MTR: variants seen among roughly 807,000 people sequenced by gnomAD.
MTR encodes the protein 5-methyltetrahydrofolate-homocysteine methyltransferase.
In MTR, 84 loss-of-function variants were observed where a neutral mutation model predicts 154.8. That is an observed-to-expected ratio of 0.54 (90% CI 0.45 to 0.65). MTR has a LOEUF of 0.65. Ranked by LOEUF, MTR falls within the 30% of genes least tolerant of loss-of-function variation. The pLI, the probability that MTR is intolerant of heterozygous loss-of-function variation, is 0.00. For synonymous variants in MTR, 554 were observed against 553.9 expected, an observed-to-expected ratio of 1.00 and a Z score of 0.00; for missense variants, 1,275 against 1,570.2, an observed-to-expected ratio of 0.81 and a Z score of 3.18.
rs145103831 is a variant in MTR, at chr1:236,812,256, G to T, written c.503-482G>T. ...GAGACTGAAATTGCTCACCAGACAG[G>T]TTTCTTCTCTGACAGAGTTGGTGTA... On this transcript the variant is annotated intron_variant, in intron 5 of 32. Coordinates refer to ENST00000366577, the MANE Select transcript of MTR (RefSeq NM_000254.3). Among the ~76,000 whole-genome samples the T allele has an allele frequency of 4.9e-3, 746 of 152,350 alleles. 5 individuals carry two copies. Among genetic ancestry groups the T allele is most frequent in the South Asian group, 0.015 (74 of 4,826 alleles).
At chr1:236,886,207 A>C in intron 26 of MTR, 85 bp from the exon 27 acceptor site, 1 of 1,075,268 alleles carries the variant, frequency 9.3e-7, no homozygotes, top group South Asian at 1.3e-5. Flanking sequence ...TGCAAAGCTT[A>C]CATACTGGCC....
rs12058328 is a variant in MTR at position 236,897,697 on chromosome 1, A to G, written c.*53A>G. ...TCTTGATGATCCTCAAGGAAATACA[A>G]CCTAGGGTGCCTTAAAAATAACAAC... is the stretch of plus-strand genomic sequence containing the variant. On this transcript the variant is annotated 3_prime_UTR_variant, in exon 33 of 33. Coordinates refer to ENST00000366577, the MANE Select transcript of MTR (RefSeq NM_000254.3). The G allele has an allele frequency of 8.8e-4, 1,282 of 1,453,602 alleles. 11 individuals carry two copies. In the African/African-American group the frequency reaches 0.016, roughly 18 times the overall value. The allele number at this position is 1,453,602 out of a possible 1,614,324, so 90.0% of individuals were successfully genotyped here.
intron 1 of MTR, chr1:236,800,530 T>C (rs1015894852): frequency 1.1e-5 from 10 of 951,110 alleles, no homozygotes; most frequent in Admixed American, 6.2e-5. Context: ...ATTATCTACA[T>C]TTAACAGCTT....
chr1:236,879,480 G>A (rs1255126056), intron 24 of MTR, among the ~76,000 whole-genome samples: 1 of 152,206 alleles, frequency 6.6e-6, no homozygotes, highest in African/African-American at 2.4e-5. Flanking sequence ...TTGAGGAAGA[G>A]TACTGCTACT....
At chr1:236,880,384 A>T (rs1163967202) in intron 24 of MTR, among the ~76,000 whole-genome samples, 2 of 152,000 alleles carry the variant, frequency 1.3e-5, no homozygotes, top group African/African-American at 2.4e-5. Flanking sequence ...GTCCCAGCTC[A>T]TTTGGAGGAG....
At chr1:236,833,110 C>G (rs1203836754) in intron 13 of MTR, among the ~76,000 whole-genome samples, 1 of 152,216 alleles carries the variant, frequency 6.6e-6, no homozygotes, top group African/African-American at 2.4e-5. Flanking sequence ...GCCCTCCCAT[C>G]CTGATCTGTC....
chr1:236,855,103 G>T (rs1303224665), intron 18 of MTR, among the ~76,000 whole-genome samples: 1 of 152,146 alleles, frequency 6.6e-6, no homozygotes, highest in Non-Finnish European at 1.5e-5. Context: ...CAATTCCTTA[G>T]GATGCGCTGA....
Position 236,873,761 on chromosome 1 carries a change from T to G in MTR, c.2406-12T>G. The G allele has an allele frequency of 2.5e-6, 4 of 1,612,470 alleles. No homozygotes were observed. The highest frequency in any genetic ancestry group is 3.4e-6 in the Non-Finnish European group (4 of 1,178,426). ...TTCATTAATTTTCTCATGTCTCATT[T>G]CTGTGCCTCAGAGTTATTGATTTAG... On this transcript the variant is annotated splice_polypyrimidine_tract_variant and intron_variant, in intron 22 of 32. Coordinates refer to ENST00000366577, the MANE Select transcript of MTR (RefSeq NM_000254.3).
At chr1:236,814,666 C>T (rs986046341) in intron 6 of MTR, among the ~76,000 whole-genome samples, 24 of 152,128 alleles carry the variant, frequency 1.6e-4, no homozygotes, top group African/African-American at 5.8e-4. Flanking sequence ...TGTTTTCTAT[C>T]AATCTGTCTG....
Position 236,897,877 on chromosome 1 carries a change from T to C in MTR, c.*233T>C. 1 of 544,840 alleles carries C rather than the reference T, an allele frequency of 1.8e-6. No individual in the cohort carries two copies. The allele number at this position is 544,840 out of a possible 1,614,324, so 33.8% of individuals were successfully genotyped here. A position where few individuals can be genotyped will look rare whatever the true frequency, so the allele number is the denominator to read the frequency against. ...CTTGCGTGAAGAGCAGTGAGCAGGG[T>C]TCCTGTGGTTTCCCTGGTCCCTCTG... On this transcript the variant is annotated 3_prime_UTR_variant, in exon 33 of 33. Coordinates refer to ENST00000366577, the MANE Select transcript of MTR (RefSeq NM_000254.3).
chr1:236,895,741 C>G (rs888029237), intron 31 of MTR, among the ~76,000 whole-genome samples, 191 bp downstream of exon 31: 4 of 152,240 alleles, frequency 2.6e-5, no homozygotes, highest in African/African-American at 9.6e-5. Context: ...ATTCTTACAT[C>G]ATTATTTTTA....
At position 236,819,945 on chromosome 1, in the gene MTR, A is replaced by C. The variant is rs978925704; in HGVS notation, c.764+3402A>C. On this transcript the variant is annotated intron_variant, in intron 8 of 32. Transcript: ENST00000366577. ...AGCCACTCCAGTTGCTGGCCGCTTC[A>C]CTTCTGGAACCTTCACTAACCAGAT... The C allele has an allele frequency of 6.3e-6, 7 of 1,111,908 alleles. No homozygotes were observed. In the African/African-American group the frequency reaches 1.1e-4, roughly 17 times the overall value. 68.9% of individuals were successfully genotyped at this position (1,111,908 alleles called of 1,614,324 possible). A position where few individuals can be genotyped will look rare whatever the true frequency, so the allele number is the denominator to read the frequency against.
At chr1:236,816,638 A>G (rs1661609677) in intron 8 of MTR, 95 bp downstream of exon 8, 1 of 987,556 alleles carries the variant, frequency 1.0e-6, no homozygotes, top group Non-Finnish European at 1.6e-6. Flanking sequence ...GCTTCTACAT[A>G]TTTTCACTGT....
At chr1:236,796,083 T>C (rs1035403146) in intron 1 of MTR, among the ~76,000 whole-genome samples, 1 of 152,034 alleles carries the variant, frequency 6.6e-6, no homozygotes, top group African/African-American at 2.4e-5. Flanking sequence ...TTTTGCATGG[T>C]GTGACGCTTA....
intron 22 of MTR, among the ~76,000 whole-genome samples, chr1:236,868,613 A>G (rs891973427): frequency 3.9e-5 from 6 of 152,218 alleles, no homozygotes; most frequent in Non-Finnish European, 8.8e-5. Context: ...GACATTTTCC[A>G]TTACAGATAA....
At chr1:236,832,322 G>A (rs1371119073) in intron 13 of MTR, among the ~76,000 whole-genome samples, 1 of 152,156 alleles carries the variant, frequency 6.6e-6, no homozygotes, top group African/African-American at 2.4e-5. Context: ...GGATGAGATG[G>A]GAGGGATCCA....
intron 24 of MTR, among the ~76,000 whole-genome samples, chr1:236,877,231 A>G (rs1014403892): frequency 3.3e-5 from 5 of 152,174 alleles, no homozygotes; most frequent in African/African-American, 4.8e-5. Context: ...TGCTTTAGCA[A>G]GCTCTCTTAT....
intron 22 of MTR, among the ~76,000 whole-genome samples, chr1:236,871,636 G>A (rs1189393866): frequency 2.0e-5 from 3 of 151,850 alleles, no homozygotes; most frequent in South Asian, 4.2e-4. Context: ...AAAGATCCAG[G>A]TACTAGACTT....
intron 16 of MTR, 38 bp downstream of exon 16, chr1:236,850,561 A>C (rs780241011): frequency 1.3e-6 from 2 of 1,581,742 alleles, no homozygotes; most frequent in South Asian, 1.1e-5. Flanking sequence ...TCATGGCTCA[A>C]ATTTGTCCCA....
Sources: allele counts gnomAD v4.1 joint callset (sites outside exome capture counted in the v4.1 genomes callset), GRCh38; gene constraint gnomAD v4.1.1; transcripts MANE v1.5; gene names NCBI Gene and HGNC (gene_info 2026-07-23, HGNC 2026-07-21).